MYO10: variants seen among roughly 807,000 people sequenced by gnomAD.
MYO10 encodes myosin X.
Under a neutral mutation model 257.3 loss-of-function variants are expected in MYO10, and 133 were observed. The ratio of observed to expected loss-of-function variants is 0.52; its 90% CI spans 0.45 to 0.60. The LOEUF (loss-of-function observed/expected upper bound fraction) is 0.60, where lower values mean the gene tolerates loss of function less well. Ranked by LOEUF, MYO10 falls within the 20% of genes least tolerant of loss-of-function variation. MYO10 has a pLI of 0.00. For missense variants in MYO10, 2,399 were observed against 2,635.7 expected (o/e 0.91, Z 1.97); for synonymous variants, 1,104 against 1,028.6 (o/e 1.07, Z -1.40).
chr5:16,790,469 G>C (rs923500652), intron 4 of MYO10, among the ~76,000 whole-genome samples: 1 of 152,174 alleles, frequency 6.6e-6, no homozygotes, highest in African/African-American at 2.4e-5. Context: ...TTGTGGGAGG[G>C]ACCTGGTGGG....
At chr5:16,906,461 A>G (rs1745521622) in intron 1 of MYO10, among the ~76,000 whole-genome samples, 1 of 152,178 alleles carries the variant, frequency 6.6e-6, no homozygotes, top group Non-Finnish European at 1.5e-5. Flanking sequence ...AATATTGCCA[A>G]ATGTCCCCTG....
chr5:16,932,205 A>C (rs1041982204), intron 1 of MYO10, among the ~76,000 whole-genome samples: 2 of 152,338 alleles, frequency 1.3e-5, no homozygotes, highest in East Asian at 3.9e-4. Flanking sequence ...ACTTGTGTAC[A>C]TTTTACATAT....
intron 9 of MYO10, among the ~76,000 whole-genome samples, chr5:16,775,808 G>A (rs931706476): frequency 3.9e-5 from 6 of 152,054 alleles, no homozygotes; most frequent in Non-Finnish European, 2.9e-5. Context: ...TCACTATGTT[G>A]GCCAGGCTGG....
intron 19 of MYO10, among the ~76,000 whole-genome samples, chr5:16,724,195 G>A (rs1739265597): frequency 6.6e-6 from 1 of 152,128 alleles, no homozygotes; most frequent in Non-Finnish European, 1.5e-5. Context: ...AACATATAGA[G>A]TCTATAAGAC....
At chr5:16,723,827 T>C (rs1339190512) in intron 19 of MYO10, among the ~76,000 whole-genome samples, 3 of 152,238 alleles carry the variant, frequency 2.0e-5, no homozygotes, top group African/African-American at 7.2e-5. Flanking sequence ...AGTGCATACA[T>C]AGTGCTAGGT....
chr5:16,908,840 A>T (rs938736332), intron 1 of MYO10, among the ~76,000 whole-genome samples: 1 of 152,228 alleles, frequency 6.6e-6, no homozygotes, highest in African/African-American at 2.4e-5. Context: ...TCTTGAAGAC[A>T]TTATGCCCAG....
intron 1 of MYO10, among the ~76,000 whole-genome samples, chr5:16,935,325 C>T (rs1040175942): frequency 1.3e-5 from 2 of 152,192 alleles, no homozygotes; most frequent in Non-Finnish European, 2.9e-5. Flanking sequence ...TAAGCCGTCT[C>T]CTCTGGAAGT....
At chr5:16,863,814 C>T (rs1005009466) in intron 2 of MYO10, among the ~76,000 whole-genome samples, 3 of 152,170 alleles carry the variant, frequency 2.0e-5, no homozygotes, top group Non-Finnish European at 2.9e-5. Context: ...AGTGAAACTC[C>T]GGGCCAGGTG....
At chr5:16,805,001 C>CA (rs1742229753) in intron 3 of MYO10, among the ~76,000 whole-genome samples, 1 of 152,198 alleles carries the variant, frequency 6.6e-6, no homozygotes, top group South Asian at 2.1e-4. Context: ...CTTACCACCC[C>CA]ACTCTTCAAT....
In MYO10 at chr5:16,781,800, T is replaced by A. The variant is rs1269256638; in HGVS notation, c.632A>T (p.Lys211Met). 6.2e-7 allele frequency: 1 copy of A among 1,613,906 alleles called. No individual in the cohort carries two copies. Among genetic ancestry groups the A allele is most frequent in the Non-Finnish European group, 8.5e-7 (1 of 1,179,900 alleles). Residue 211 changes from lysine (K) to methionine (M), a missense_variant, in exon 6 of 41, where the codon AAG becomes ATG. Lys to Met is a moderately conservative substitution (Grantham distance 95, BLOSUM62 -1). Transcript: ENST00000513610. Reference sequence around the variant, plus strand: ...ACTAGAGTTGTTGTTGTACACGGTCTTCGCATTGCCGAAAGCTTCCATGAT... The same window carrying A: ...ACTAGAGTTGTTGTTGTACACGGTCATCGCATTGCCGAAAGCTTCCATGAT... ...SPIMEAFGNAKTVYNNNSSRF... is the reference protein window; with the variant it reads ...SPIMEAFGNAMTVYNNNSSRF...
chr5:16,690,283 T>G (rs879897658), intron 27 of MYO10, among the ~76,000 whole-genome samples: 6 of 152,198 alleles, frequency 3.9e-5, no homozygotes, highest in Admixed American at 3.9e-4. Flanking sequence ...CTACATCCTT[T>G]TATAGCAGGA....
chr5:16,666,883 C>A, intron 40 of MYO10, 90 bp from the exon 41 acceptor site: 1 of 1,039,210 alleles, frequency 9.6e-7, no homozygotes, highest in Non-Finnish European at 1.4e-6. Context: ...CCCTGGGCAC[C>A]CTCCCGTAGC....
intron 1 of MYO10, among the ~76,000 whole-genome samples, chr5:16,931,340 G>A (rs1344919139): frequency 6.6e-6 from 1 of 152,098 alleles, no homozygotes; most frequent in Non-Finnish European, 1.5e-5. Flanking sequence ...AACAGCAGGA[G>A]AGCACATTCA....
At chr5:16,826,062 C>A (rs1429077864) in intron 2 of MYO10, among the ~76,000 whole-genome samples, 1 of 151,646 alleles carries the variant, frequency 6.6e-6, no homozygotes, top group African/African-American at 2.4e-5. Context: ...GCAAAAGAAT[C>A]GCTTGAACCC....
chr5:16,776,368 T>A (rs545161991), intron 9 of MYO10, among the ~76,000 whole-genome samples: 1 of 152,288 alleles, frequency 6.6e-6, no homozygotes, highest in South Asian at 2.1e-4. Flanking sequence ...GGGTTAAATT[T>A]TGCTATTATT....
In MYO10 at chr5:16,831,415, C is replaced by T. The variant is rs141246056; in HGVS notation, c.121-13248G>A. ...AGTCATTATACAAAAAAGATACTTG[C>T]GCACGCACGTTTATAGCAGCACAAT... On this transcript the variant is annotated intron_variant, in intron 2 of 40. Coordinates refer to ENST00000513610, the MANE Select transcript of MYO10 (RefSeq NM_012334.3). Among the ~76,000 whole-genome samples the T allele has an allele frequency of 1.1e-3, 168 of 152,232 alleles. 1 individual carries two copies. The highest frequency in any genetic ancestry group is 3.9e-3 in the African/African-American group (160 of 41,538).
At chr5:16,825,231 G>A (rs72732255) in intron 2 of MYO10, among the ~76,000 whole-genome samples, 187 of 152,152 alleles carry the variant, frequency 1.2e-3, no homozygotes, top group Non-Finnish European at 2.2e-3. Flanking sequence ...CTATCCTCTC[G>A]GAAGACACCA....
At chr5:16,913,171 G>C (rs1331597763) in intron 1 of MYO10, among the ~76,000 whole-genome samples, 2 of 78,388 alleles carry the variant, frequency 2.6e-5, no homozygotes, top group Non-Finnish European at 5.8e-5. Context: ...TTAGGTTATA[G>C]AGGAAAAAAA....
In MYO10 at chr5:16,876,266, T is replaced by C. The variant is rs540242620; in HGVS notation, c.120+1343A>G. Among the ~76,000 whole-genome samples the C allele has an allele frequency of 5.6e-4, 86 of 152,334 alleles. 1 individual carries two copies. Among genetic ancestry groups the C allele is most frequent in the African/African-American group, 1.7e-3 (71 of 41,586 alleles). ...CATTAAATTAGTTTCCTTAGTAAAATGGACGTGCCAGGTTTCTCTTATAAT... is the reference window on the plus strand; with the variant it reads ...CATTAAATTAGTTTCCTTAGTAAAACGGACGTGCCAGGTTTCTCTTATAAT... On this transcript the variant is annotated intron_variant, in intron 2 of 40. Transcript: ENST00000513610.
Sources: allele counts gnomAD v4.1 joint callset (sites outside exome capture counted in the v4.1 genomes callset), GRCh38; gene constraint gnomAD v4.1.1; transcripts MANE v1.5; gene names NCBI Gene and HGNC (gene_info 2026-07-23, HGNC 2026-07-21).